Variants in PDE1C observed in about 807,000 individuals in gnomAD.
The protein encoded by PDE1C is phosphodiesterase 1C.
Under a neutral mutation model 93.1 loss-of-function variants are expected in PDE1C, and 62 were observed. That is an observed-to-expected ratio of 0.67 (90% CI 0.54 to 0.82). The LOEUF is 0.82. PDE1C is among the 40% of genes least tolerant of loss of function. The pLI is 0.00. For missense variants in PDE1C, 742 were observed against 884.6 expected, an observed-to-expected ratio of 0.84 and a Z score of 2.04; for synonymous variants, 325 against 310.1, an observed-to-expected ratio of 1.05 and a Z score of -0.50.
intron 1 of PDE1C, among the ~76,000 whole-genome samples, chr7:32,282,241 CAG>C (rs1373727403): frequency 1.3e-5 from 2 of 151,742 alleles, no homozygotes; most frequent in African/African-American, 4.8e-5. Context: ...CTTTGGGAGA[CAG>C]AGGCAGGCAG....
At chr7:31,643,252 C>T in the PDE1C span, 1 of 1,613,772 alleles carries the variant, frequency 6.2e-7, no homozygotes, top group Non-Finnish European at 8.5e-7. Flanking sequence ...ATTCTGTCCT[C>T]ACACCAACCA....
At chr7:32,349,641 T>A (rs1783920284) in intron 1 of PDE1C, among the ~76,000 whole-genome samples, 1 of 152,192 alleles carries the variant, frequency 6.6e-6, no homozygotes, top group African/African-American at 2.4e-5. Context: ...AAATTTTTTT[T>A]TTTTGAGAAG....
intron 2 of PDE1C, among the ~76,000 whole-genome samples, chr7:32,171,374 G>A (rs924161505): frequency 2.0e-5 from 3 of 151,198 alleles, no homozygotes; most frequent in Non-Finnish European, 2.9e-5. Flanking sequence ...GGGTTCCATG[G>A]ATTCAAACAA....
chr7:31,748,053 G>C (rs572268876), downstream of PDE1C, among the ~76,000 whole-genome samples: 32 of 152,192 alleles, frequency 2.1e-4, no homozygotes, highest in African/African-American at 7.0e-4. Context: ...GTTTTAGGGA[G>C]GGACTATTCT....
intron 2 of PDE1C, among the ~76,000 whole-genome samples, chr7:32,004,044 G>A (rs1654014323): frequency 6.6e-6 from 1 of 152,080 alleles, no homozygotes; most frequent in Non-Finnish European, 1.5e-5. Context: ...GTGTTCATGT[G>A]GAGCTCTGTG....
intron 2 of PDE1C, among the ~76,000 whole-genome samples, chr7:32,173,868 A>C (rs1802810944): frequency 6.6e-6 from 1 of 152,208 alleles, no homozygotes; most frequent in South Asian, 2.1e-4. Flanking sequence ...TGGATTCCTG[A>C]GCCTACAAGC....
chr7:31,644,838 G>C, the PDE1C span, among the ~76,000 whole-genome samples: 1 of 152,198 alleles, frequency 6.6e-6, no homozygotes, highest in African/African-American at 2.4e-5. Context: ...GAGAATATAG[G>C]TTGCAGCTAT....
chr7:32,220,847 TG>T (rs1424353627), intron 1 of PDE1C, among the ~76,000 whole-genome samples: 1 of 152,018 alleles, frequency 6.6e-6, no homozygotes, highest in Non-Finnish European at 1.5e-5. Flanking sequence ...CAAAATCCTC[TG>T]GTCCAATTCC....
intron 1 of PDE1C, among the ~76,000 whole-genome samples, chr7:32,319,188 A>G (rs115542880): frequency 0.015 from 2,262 of 152,326 alleles, 83 homozygotes; most frequent in African/African-American, 0.052. Context: ...TGTGAGGTGC[A>G]GGGAGATGAC....
In PDE1C at chr7:31,968,064, T is replaced by TC. The variant is rs1351323938; in HGVS notation, c.128+83489dup. On this transcript the variant is annotated intron_variant, in intron 2 of 17. Transcript: ENST00000396191. ...AAACTGGCACAAGACAGGGATGCCC[T>TC]CTCTCACCACTCCTATTCAACATAG... 3.9e-5 allele frequency among the ~76,000 whole-genome samples: 6 copies of TC among 152,082 alleles called. No individual in the cohort carries two copies. In the South Asian group the frequency reaches 6.2e-4, roughly 16 times the overall value.
intron 16 of PDE1C, chr7:31,789,976 T>G: frequency 8.0e-7 from 1 of 1,246,118 alleles, no homozygotes; most frequent in Non-Finnish European, 1.0e-6. Context: ...TTTGTTTCTG[T>G]TTGAGTAAAA....
intron 3 of PDE1C, among the ~76,000 whole-genome samples, chr7:32,114,908 A>C (rs1430590286): frequency 1.3e-5 from 2 of 152,354 alleles, no homozygotes; most frequent in East Asian, 3.9e-4. Flanking sequence ...TCAAAACCAC[A>C]ATGAGATATC....
intron 2 of PDE1C, among the ~76,000 whole-genome samples, chr7:31,993,273 A>G (rs978438566): frequency 6.6e-6 from 1 of 152,184 alleles, no homozygotes; most frequent in Non-Finnish European, 1.5e-5. Context: ...AGCTCAATAG[A>G]TAATTGCTGT....
At chr7:31,910,685 C>T (rs893575983) in intron 2 of PDE1C, among the ~76,000 whole-genome samples, 3 of 152,146 alleles carry the variant, frequency 2.0e-5, no homozygotes, top group African/African-American at 7.2e-5. Flanking sequence ...AGCCAAATGG[C>T]CTGGGTTTCA....
chr7:32,018,525 T>G (rs967135122), intron 2 of PDE1C, among the ~76,000 whole-genome samples: 16 of 152,144 alleles, frequency 1.1e-4, no homozygotes, highest in African/African-American at 3.6e-4. Flanking sequence ...ACAACATGGA[T>G]GAATCTTGAA....
intron 2 of PDE1C, among the ~76,000 whole-genome samples, chr7:31,965,122 A>G (rs1166366370): frequency 6.6e-6 from 1 of 152,200 alleles, no homozygotes; most frequent in East Asian, 1.9e-4. Flanking sequence ...GACTTTGACG[A>G]GTTGAGAGAA....
At chr7:31,947,174 TAAG>T (rs1391198450) in intron 2 of PDE1C, among the ~76,000 whole-genome samples, 1 of 152,112 alleles carries the variant, frequency 6.6e-6, no homozygotes, top group Non-Finnish European at 1.5e-5. Context: ...GGTGTGATAA[TAAG>T]GTGTGCAGGA....
chr7:32,001,668 C>T (rs867481082), intron 2 of PDE1C, among the ~76,000 whole-genome samples: 9 of 151,742 alleles, frequency 5.9e-5, no homozygotes, highest in Middle Eastern at 3.4e-3. Context: ...TTGCAGATGA[C>T]GAAAAAGGTG....
chr7:31,642,586 G>A, the PDE1C span: 1 of 1,111,510 alleles, frequency 9.0e-7, no homozygotes, highest in Non-Finnish European at 1.3e-6. Context: ...CTTATCTCCT[G>A]ACTCCTAAGG....
Sources: gnomAD v4.1 joint callset for allele counts (sites outside exome capture counted in the v4.1 genomes callset) on GRCh38, gnomAD v4.1.1 for gene constraint, MANE v1.5 for transcripts, NCBI Gene and HGNC (gene_info 2026-07-23, HGNC 2026-07-21) for gene names.